Variants in NMRAL1 observed in about 807,000 individuals in gnomAD.
NMRAL1 encodes nmrA-like family domain-containing protein 1.
A neutral mutation model predicts 27.5 loss-of-function variants in NMRAL1; 32 were observed. The ratio of observed to expected loss-of-function variants is 1.16; its 90% confidence interval spans 0.88 to 1.56. The LOEUF (loss-of-function observed/expected upper bound fraction) is 1.56. NMRAL1 is among the 40% of genes most tolerant of loss of function. The pLI is 0.00. For synonymous variants in NMRAL1, 166 were observed against 166.8 expected, an observed-to-expected ratio of 1.00 and a Z score of 0.04; for missense variants, 420 against 392.0, an observed-to-expected ratio of 1.07 and a Z score of -0.60.
chr16:4,474,654 C>G (rs2057762958), upstream of NMRAL1: 1 of 154,428 alleles, frequency 6.5e-6, no homozygotes, highest in East Asian at 1.9e-4. Flanking sequence ...GCGCAGTTGG[C>G]TCCTCCTGGA....
At chr16:4,473,669 G>T (rs2057690124) in intron 2 of NMRAL1, among the ~76,000 whole-genome samples, 1 of 151,988 alleles carries the variant, frequency 6.6e-6, no homozygotes, top group Non-Finnish European at 1.5e-5. Flanking sequence ...GTTCATGCCT[G>T]TAATACCTGC....
chr16:4,462,028 C>T (rs1025516979), intron 5 of NMRAL1, 69 bp from the exon 6 acceptor site: 53 of 1,397,050 alleles, frequency 3.8e-5, no homozygotes, highest in African/African-American at 1.4e-4. Context: ...GCAGGGAGGC[C>T]GGATGGGCTG....
intron 4 of NMRAL1, among the ~76,000 whole-genome samples, chr16:4,465,360 G>A (rs1312665974): frequency 6.6e-6 from 1 of 152,192 alleles, no homozygotes; most frequent in Admixed American, 6.5e-5. Context: ...GCCAGCCAGA[G>A]GCACCAACCC....
At chr16:4,464,301 C>T (rs564035666) in intron 4 of NMRAL1, 2 of 175,220 alleles carry the variant, frequency 1.1e-5, no homozygotes, top group Non-Finnish European at 2.4e-5. Flanking sequence ...ACGTCCACCT[C>T]TGAGTAGATA....
upstream of NMRAL1, among the ~76,000 whole-genome samples, chr16:4,475,417 C>T (rs2141482865): frequency 6.6e-6 from 1 of 152,010 alleles, no homozygotes; most frequent in Non-Finnish European, 1.5e-5. Context: ...AAGTGATTCT[C>T]CTGCCTCAGT....
intron 3 of NMRAL1, among the ~76,000 whole-genome samples, chr16:4,467,903 A>C (rs1596393659): frequency 6.6e-6 from 1 of 152,110 alleles, no homozygotes; most frequent in Middle Eastern, 3.4e-3. Context: ...TACAAGCATG[A>C]GCCACTGTGC....
chr16:4,474,953 ATTATTT>A (rs2057773757), upstream of NMRAL1: 1 of 151,748 alleles, frequency 6.6e-6, no homozygotes, highest in Non-Finnish European at 1.5e-5. Context: ...TTAAAATTTT[ATTATTT>A]TTATTTTTTT....
chr16:4,466,085 G>A (rs577737267), intron 4 of NMRAL1, 68 bp downstream of exon 4: 54 of 1,585,064 alleles, frequency 3.4e-5, no homozygotes, highest in Non-Finnish European at 4.1e-5. Context: ...AGCGGCCCGC[G>A]GTCTGTTACA....
At chr16:4,462,530 T>A (rs1047785375) in intron 5 of NMRAL1, among the ~76,000 whole-genome samples, 1 of 152,012 alleles carries the variant, frequency 6.6e-6, no homozygotes. Flanking sequence ...GACGAAAATA[T>A]CTCAGTCCCT....
chr16:4,465,589 G>C (rs541432618), intron 4 of NMRAL1, among the ~76,000 whole-genome samples: 1 of 152,020 alleles, frequency 6.6e-6, no homozygotes, highest in South Asian at 2.1e-4. Context: ...GTTTTGAGAC[G>C]GAGTGTTGCT....
chr16:4,461,911 G>C lies in NMRAL1; in HGVS notation c.769C>G (p.Leu257Val), dbSNP rs368163218. Reference protein sequence around the residue: ...EKLGFPGARDLANMFRFYALR... With the variant: ...EKLGFPGARDVANMFRFYALR... ...GCATAGAAACGGAACATGTTGGCCA[G>C]GTCCCGGGCACCGGGAAAGCCAAGC... The change falls in exon 6 of 6, where the codon CTG becomes GTG. Residue 257 changes from leucine to valine, a missense_variant. Transcript: ENST00000283429. 1.2e-6 allele frequency: 2 copies of C among 1,614,070 alleles called. No individual in the cohort carries two copies. The highest frequency in any genetic ancestry group is 2.7e-5 in the African/African-American group (2 of 74,944).
In NMRAL1 at chr16:4,461,763, G is replaced by T; in HGVS notation, c.*17C>A. 1 of 1,598,358 alleles carries T rather than the reference G, an allele frequency of 6.3e-7. No homozygotes were observed. The highest frequency in any genetic ancestry group is 1.1e-5 in the South Asian group (1 of 89,412). ...CTGGTGCCCCCGATCCCCACAAGGG[G>T]CCGCGAGGCGGGCAGGTCACAGCAG... On this transcript the variant is annotated 3_prime_UTR_variant, in exon 6 of 6. Coordinates refer to ENST00000283429, the MANE Select transcript of NMRAL1 (RefSeq NM_020677.6).
Position 4,470,237 on chromosome 16 carries a change from AG to A in NMRAL1, c.41-773del, listed in dbSNP as rs1366856083. 7.5e-5 allele frequency among the ~76,000 whole-genome samples: 11 copies of A among 147,038 alleles called. No homozygotes were observed. In the East Asian group the frequency reaches 1.0e-3, roughly 14 times the overall value. ...GTAATCCTAGCACTTTGAGAGGCCGAGGGGGGTAGATCACCTGAAGTTGGGA... is the reference window on the plus strand; with the variant it reads ...GTAATCCTAGCACTTTGAGAGGCCGAGGGGGTAGATCACCTGAAGTTGGGA... On this transcript the variant is annotated intron_variant, in intron 2 of 5. Coordinates refer to ENST00000283429, the MANE Select transcript of NMRAL1 (RefSeq NM_020677.6).
intron 2 of NMRAL1, chr16:4,471,325 T>C (rs937835115): frequency 2.6e-5 from 4 of 152,034 alleles, no homozygotes; most frequent in African/African-American, 9.7e-5. Context: ...CTTAAGATTT[T>C]GCGCGTTGCA....
At chr16:4,468,615 C>CAAAAAAA (rs59245472) in intron 3 of NMRAL1, among the ~76,000 whole-genome samples, 7 of 128,266 alleles carry the variant, frequency 5.5e-5, no homozygotes, top group African/African-American at 1.9e-4. Context: ...GACTCAGTCT[C>CAAAAAAA]AAAAAAAAAA....
chr16:4,463,883 C>T, intron 4 of NMRAL1, 33 bp from the exon 5 acceptor site: 5 of 1,589,868 alleles, frequency 3.1e-6, no homozygotes, highest in Non-Finnish European at 4.3e-6. Context: ...GGTATATGTC[C>T]CGAGGGCAGA....
At chr16:4,463,409 C>T (rs2057186775) in intron 5 of NMRAL1, 5 of 526,712 alleles carry the variant, frequency 9.5e-6, no homozygotes, top group Admixed American at 4.1e-5. Context: ...TGCATTTTCA[C>T]CCCTCCTTGC....
intron 4 of NMRAL1, among the ~76,000 whole-genome samples, chr16:4,465,065 G>A (rs1021566188): frequency 2.0e-5 from 3 of 151,858 alleles, no homozygotes; most frequent in Non-Finnish European, 4.4e-5. Context: ...GCACCACCAC[G>A]CCAGGCTGGC....
intron 2 of NMRAL1, among the ~76,000 whole-genome samples, chr16:4,470,545 G>C (rs1040226482): frequency 6.6e-6 from 1 of 152,138 alleles, no homozygotes; most frequent in Non-Finnish European, 1.5e-5. Flanking sequence ...TTCAGGCTGG[G>C]TGCAGTGGCT....
Sources: gnomAD v4.1 joint callset for allele counts (sites outside exome capture counted in the v4.1 genomes callset) on GRCh38, gnomAD v4.1.1 for gene constraint, MANE v1.5 for transcripts, NCBI Gene and HGNC (gene_info 2026-07-23, HGNC 2026-07-21) for gene names.